The following HAT1 variants were observed in gnomAD, a reference collection of about 807,000 sequenced individuals.
The protein encoded by HAT1 is histone acetyltransferase 1.
HAT1 carries 20 observed loss-of-function variants against 56.6 expected under a neutral mutation model. The observed-to-expected ratio is 0.35, with a 90% CI of 0.25 to 0.51. The LOEUF is 0.51. Among genes scored for constraint, HAT1 ranks in the 20% least tolerant of loss-of-function variants. HAT1 has a pLI of 0.95. For missense variants in HAT1, 408 were observed against 504.3 expected, an observed-to-expected ratio of 0.81 and a Z score of 1.83; for synonymous variants, 146 against 165.5, an observed-to-expected ratio of 0.88 and a Z score of 0.91.
intron 8 of HAT1, among the ~76,000 whole-genome samples, chr2:171,975,489 C>T (rs1687936220): frequency 2.0e-5 from 3 of 152,082 alleles, no homozygotes; most frequent in Admixed American, 6.5e-5. Context: ...CCAGTAAAGC[C>T]ATCTGGTTGT....
chr2:171,976,142 G>A lies in HAT1; in HGVS notation c.824-15G>A. The stretch of plus-strand genomic sequence containing the variant: ...ATCAGGGAAATGTTAATATTATTCT[G>A]CTTTATTTATTTAGCGGAAGATCCA... On this transcript the variant is annotated splice_polypyrimidine_tract_variant and intron_variant, in intron 8 of 10. Transcript: ENST00000264108. The A allele has an allele frequency of 7.1e-7, 1 of 1,405,606 alleles. No homozygotes were observed. Among genetic ancestry groups the A allele is most frequent in the African/African-American group, 2.1e-5 (1 of 46,960 alleles). The allele number at this position is 1,405,606 out of a possible 1,614,324, so 87.1% of individuals were successfully genotyped here. A position where few individuals can be genotyped will look rare whatever the true frequency, so the allele number is the denominator to read the frequency against.
At chr2:171,965,541 T>C (rs965549047) in intron 5 of HAT1, 24 bp downstream of exon 5, 3 of 1,394,642 alleles carry the variant, frequency 2.2e-6, no homozygotes, top group Non-Finnish European at 3.0e-6. Context: ...TAAATATTTA[T>C]TGAGTAAAGT....
chr2:171,925,737 G>T, intron 2 of HAT1, 96 bp downstream of exon 2: 1 of 580,772 alleles, frequency 1.7e-6, no homozygotes. Context: ...TGTAAGAGCA[G>T]TTATTTATGC....
At chr2:171,963,122 G>A (rs930670868) in intron 4 of HAT1, among the ~76,000 whole-genome samples, 4 of 151,228 alleles carry the variant, frequency 2.6e-5, no homozygotes, top group Admixed American at 1.3e-4. Flanking sequence ...TTAGTGAAGC[G>A]AAGTTGTAAA....
chr2:171,927,767 T>TAC (rs1241682254), intron 2 of HAT1, among the ~76,000 whole-genome samples: 1 of 151,852 alleles, frequency 6.6e-6, no homozygotes, highest in Non-Finnish European at 1.5e-5. Flanking sequence ...TTTTTGTGTT[T>TAC]TTAGTAGAGA....
At chr2:171,925,097 G>A (rs1425548317) in intron 1 of HAT1, among the ~76,000 whole-genome samples, 20 of 129,208 alleles carry the variant, frequency 1.5e-4, no homozygotes, top group Admixed American at 6.0e-4. Context: ...TTTTGAGATG[G>A]AGTCTTGCTC....
chr2:171,927,175 T>G (rs188232675), intron 2 of HAT1, among the ~76,000 whole-genome samples: 3 of 152,228 alleles, frequency 2.0e-5, no homozygotes, highest in Non-Finnish European at 4.4e-5. Context: ...TTGGGAATTA[T>G]GGAAATGTTT....
At chr2:171,968,812 C>T (rs1292060247) in intron 8 of HAT1, among the ~76,000 whole-genome samples, 1 of 152,112 alleles carries the variant, frequency 6.6e-6, no homozygotes, top group East Asian at 1.9e-4. Context: ...TTGCCTGTTT[C>T]TCCATTATTG....
chr2:171,925,413 T>G lies in HAT1; in HGVS notation c.8-124T>G, dbSNP rs539113426. 2.8e-4 allele frequency: 164 copies of G among 581,194 alleles called. 3 individuals are homozygous for G. The highest frequency in any genetic ancestry group is 7.7e-4 in the Admixed American group (25 of 32,610). The allele number at this position is 581,194 out of a possible 1,614,324, so 36.0% of individuals were successfully genotyped here. ...ATTTAAGAGTATGTGGAGAATGACT[T>G]GTGCTTTTATGATCTATCAGCATGT... On this transcript the variant is annotated intron_variant, in intron 1 of 10. Transcript: ENST00000264108.
intron 10 of HAT1, chr2:171,980,411 A>G (rs1203424284): frequency 6.6e-6 from 1 of 152,124 alleles, no homozygotes; most frequent in African/African-American, 2.4e-5. Flanking sequence ...AGCCGAAACC[A>G]TGTTAGTACT....
intron 3 of HAT1, among the ~76,000 whole-genome samples, chr2:171,947,512 T>TC (rs1558969250): frequency 6.6e-6 from 1 of 151,978 alleles, no homozygotes; most frequent in Non-Finnish European, 1.5e-5. Context: ...CACCTGCGCC[T>TC]CCCAAAGAGC....
Position 171,983,448 on chromosome 2 carries a change from G to C in HAT1, c.*96G>C. 1 of 579,214 alleles carries C rather than the reference G, an allele frequency of 1.7e-6. No homozygotes were observed. Among genetic ancestry groups the C allele is most frequent in the Non-Finnish European group, 2.9e-6 (1 of 342,192 alleles). 35.9% of individuals were successfully genotyped at this position (579,214 alleles called of 1,614,324 possible). On this transcript the variant is annotated 3_prime_UTR_variant, in exon 11 of 11. Transcript: ENST00000264108. ...TAATTTTAAAATCTTGTGACATTTT[G>C]CTTATACTAAAAGTTATCTATCTTT...
rs958048313 is a variant in HAT1 at position 171,983,465 on chromosome 2, T to C, written c.*113T>C. 1.9e-6 allele frequency: 1 copy of C among 515,916 alleles called. No individual in the cohort carries two copies. Among genetic ancestry groups the C allele is most frequent in the African/African-American group, 2.0e-5 (1 of 51,044 alleles). The allele number at this position is 515,916 out of a possible 1,614,324, so 32.0% of individuals were successfully genotyped here. On this transcript the variant is annotated 3_prime_UTR_variant, in exon 11 of 11. Transcript: ENST00000264108. ...GACATTTTGCTTATACTAAAAGTTA[T>C]CTATCTTTAGTTGAATATTTTCTTT...
chr2:171,964,555 G>T (rs1467740099), intron 4 of HAT1, among the ~76,000 whole-genome samples: 2 of 152,116 alleles, frequency 1.3e-5, no homozygotes, highest in South Asian at 2.1e-4. Context: ...ATACTTTATT[G>T]TAAGACTTCA....
chr2:171,976,898 G>C (rs577506135), intron 9 of HAT1, among the ~76,000 whole-genome samples: 1 of 152,332 alleles, frequency 6.6e-6, no homozygotes, highest in Non-Finnish European at 1.5e-5. Context: ...GAGATGGGCT[G>C]GGAGTGGTGG....
At chr2:171,937,681 AG>A (rs1686904317) in intron 2 of HAT1, among the ~76,000 whole-genome samples, 1 of 152,226 alleles carries the variant, frequency 6.6e-6, no homozygotes, top group South Asian at 2.1e-4. Context: ...AGGAGAGTGA[AG>A]AAAAGCAGAA....
intron 8 of HAT1, among the ~76,000 whole-genome samples, chr2:171,968,774 C>A (rs1288690784): frequency 6.6e-6 from 1 of 152,088 alleles, no homozygotes; most frequent in Non-Finnish European, 1.5e-5. Context: ...AACAAAACTG[C>A]AGATTTTTCT....
At chr2:171,970,909 G>T (rs1350380923) in intron 8 of HAT1, among the ~76,000 whole-genome samples, 3 of 150,438 alleles carry the variant, frequency 2.0e-5, no homozygotes, top group African/African-American at 7.3e-5. Context: ...ATTAGTACTT[G>T]AAAAAATGTG....
Position 171,925,530 on chromosome 2 carries a change from C to G in HAT1, c.8-7C>G, listed in dbSNP as rs767610466. On this transcript the variant is annotated splice_region_variant and splice_polypyrimidine_tract_variant and intron_variant, in intron 1 of 10. Coordinates refer to ENST00000264108, the MANE Select transcript of HAT1 (RefSeq NM_003642.4). ...AAACTAAACCTTTTAAAAACCTTTTCTCTTAGGATTTGGTGCTATGGAGAA... is the reference window on the plus strand; with the variant it reads ...AAACTAAACCTTTTAAAAACCTTTTGTCTTAGGATTTGGTGCTATGGAGAA... The G allele has an allele frequency of 7.7e-7, 1 of 1,292,594 alleles. No homozygotes were observed. The allele number at this position is 1,292,594 out of a possible 1,614,324, so 80.1% of individuals were successfully genotyped here.
Sources: gnomAD v4.1 joint callset for allele counts (sites outside exome capture counted in the v4.1 genomes callset) on GRCh38, gnomAD v4.1.1 for gene constraint, MANE v1.5 for transcripts, NCBI Gene and HGNC (gene_info 2026-07-23, HGNC 2026-07-21) for gene names.